The following CRYBB2 variants were observed in gnomAD, a reference collection of about 807,000 sequenced individuals.
CRYBB2 encodes the protein beta-crystallin B2.
CRYBB2 carries 12 observed loss-of-function variants against 24.3 expected under a neutral mutation model. That is an observed-to-expected ratio of 0.49 (90% confidence interval 0.32 to 0.80). The LOEUF (loss-of-function observed/expected upper bound fraction) is 0.80. Ranked by LOEUF, CRYBB2 falls within the 30% of genes least tolerant of loss-of-function variation. CRYBB2 has a pLI of 0.04. For missense variants in CRYBB2, 198 were observed against 268.5 expected, an observed-to-expected ratio of 0.74 and a Z score of 1.83; for synonymous variants, 98 against 101.6, an observed-to-expected ratio of 0.96 and a Z score of 0.21.
chr22:25,230,748 C>T (rs1321680688), intron 5 of CRYBB2, among the ~76,000 whole-genome samples: 2 of 149,084 alleles, frequency 1.3e-5, no homozygotes, highest in Non-Finnish European at 3.0e-5. Flanking sequence ...TGTTAGGTGC[C>T]CAGGGTGAAG....
At chr22:25,218,031 G>A (rs777999394), upstream of CRYBB2, among the ~76,000 whole-genome samples, 9 of 151,794 alleles carry the variant, frequency 5.9e-5, no homozygotes, top group African/African-American at 1.5e-4. Flanking sequence ...AGGCCGAGAC[G>A]GGCGGATAAT....
At chr22:25,220,895 A>G (rs1320366276) in intron 1 of CRYBB2, among the ~76,000 whole-genome samples, 1 of 152,158 alleles carries the variant, frequency 6.6e-6, no homozygotes, top group African/African-American at 2.4e-5. Flanking sequence ...AAATCTAGGT[A>G]CCAGGATGGG....
intron 4 of CRYBB2, among the ~76,000 whole-genome samples, chr22:25,229,156 A>T (rs1331549573): frequency 6.6e-6 from 1 of 152,170 alleles, no homozygotes; most frequent in Non-Finnish European, 1.5e-5. Flanking sequence ...TATCGTAGCC[A>T]CCATTTATAA....
chr22:25,214,993 A>C (rs377598718), upstream of CRYBB2, among the ~76,000 whole-genome samples: 6 of 152,380 alleles, frequency 3.9e-5, no homozygotes, highest in African/African-American at 1.4e-4. Context: ...AATGAGAATA[A>C]TAGGTTGGTG....
chr22:25,220,309 A>G (rs1360237397), intron 1 of CRYBB2, among the ~76,000 whole-genome samples: 1 of 152,318 alleles, frequency 6.6e-6, no homozygotes, highest in East Asian at 1.9e-4. Flanking sequence ...ATTATTAGAC[A>G]TCATTACTGT....
At chr22:25,223,367 C>G (rs1048180516) in intron 2 of CRYBB2, among the ~76,000 whole-genome samples, 1 of 152,190 alleles carries the variant, frequency 6.6e-6, no homozygotes, top group African/African-American at 2.4e-5. Flanking sequence ...AGCGCAAATA[C>G]TATGTGCTAA....
At chr22:25,220,469 C>T (rs1343076404) in intron 1 of CRYBB2, among the ~76,000 whole-genome samples, 1 of 152,214 alleles carries the variant, frequency 6.6e-6, no homozygotes, top group Non-Finnish European at 1.5e-5. Flanking sequence ...AGTGATATGG[C>T]AGGACCTCAG....
At chr22:25,218,676 A>G (rs150413978), upstream of CRYBB2, among the ~76,000 whole-genome samples, 1,436 of 99,536 alleles carry the variant, frequency 0.014, 119 homozygotes, top group African/African-American at 0.069. Flanking sequence ...AAAAGAAAGA[A>G]AGAGAAAGAA....
upstream of CRYBB2, among the ~76,000 whole-genome samples, chr22:25,214,654 G>A (rs916232989): frequency 5.3e-5 from 8 of 152,310 alleles, no homozygotes; most frequent in East Asian, 3.9e-4. Context: ...TGTAAGAGCC[G>A]CTACTGAGGG....
chr22:25,221,980 G>C (rs1272866053), intron 2 of CRYBB2, among the ~76,000 whole-genome samples: 1 of 152,228 alleles, frequency 6.6e-6, no homozygotes, highest in African/African-American at 2.4e-5. Flanking sequence ...CACCCGGCCT[G>C]GGGTGCGCAT....
intron 4 of CRYBB2, among the ~76,000 whole-genome samples, chr22:25,229,057 GTGTGTGCA>G (rs1208564724): frequency 2.9e-5 from 3 of 103,376 alleles, no homozygotes; most frequent in African/African-American, 1.2e-4. Flanking sequence ...TGTGGTGTGC[GTGTGTGCA>G]TGTGTGCGTG....
At chr22:25,228,643 C>T (rs1371379041) in intron 4 of CRYBB2, among the ~76,000 whole-genome samples, 1 of 152,228 alleles carries the variant, frequency 6.6e-6, no homozygotes, top group African/African-American at 2.4e-5. Flanking sequence ...GGACTTGGCA[C>T]CCCACAGACC....
At chr22:25,218,771 G>GAAAA (rs1569016193), upstream of CRYBB2, among the ~76,000 whole-genome samples, 1 of 17,598 alleles carries the variant, frequency 5.7e-5, no homozygotes, top group African/African-American at 3.1e-4. Flanking sequence ...GAGAGAGAGA[G>GAAAA]AGAGAGAGAA....
At chr22:25,213,048 T>G (rs1935125688) in intron 1 of CRYBB2, among the ~76,000 whole-genome samples, 1 of 152,266 alleles carries the variant, frequency 6.6e-6, no homozygotes, top group African/African-American at 2.4e-5. Flanking sequence ...CATATTTTTA[T>G]ACATTCTATC....
upstream of CRYBB2, among the ~76,000 whole-genome samples, chr22:25,215,462 G>C (rs1005833587): frequency 6.6e-6 from 1 of 152,154 alleles, no homozygotes; most frequent in Non-Finnish European, 1.5e-5. Flanking sequence ...AAATACATGG[G>C]TAAATCTCTG....
At chr22:25,217,903 C>T (rs1341008917), upstream of CRYBB2, among the ~76,000 whole-genome samples, 1 of 152,118 alleles carries the variant, frequency 6.6e-6, no homozygotes, top group East Asian at 1.9e-4. Flanking sequence ...TTGACCCAGT[C>T]TCCAAGCCTC....
At chr22:25,219,488 A>T (rs1338062116), upstream of CRYBB2, 3 of 152,272 alleles carry the variant, frequency 2.0e-5, no homozygotes, top group Admixed American at 2.0e-4. Context: ...GTGCAGAGAC[A>T]CAATGTCTGT....
chr22:25,226,595 T>C (rs1046684303), intron 3 of CRYBB2, among the ~76,000 whole-genome samples: 2 of 152,250 alleles, frequency 1.3e-5, no homozygotes, highest in Non-Finnish European at 2.9e-5. Context: ...TTTCAGTTAC[T>C]GGATATTATA....
upstream of CRYBB2, among the ~76,000 whole-genome samples, chr22:25,218,779 GAAGAAAGAAAGAAAGAAAGAAAGAAAGA>G (rs1168197356): frequency 0.013 from 437 of 34,516 alleles, 5 homozygotes; most frequent in South Asian, 0.037. Context: ...GAGAGAGAGA[GAAGAAAGAAAGAAAGAAAGAAAGAAAGA>G]AAGAAAGAAA....
Sources: allele counts gnomAD v4.1 joint callset (sites outside exome capture counted in the v4.1 genomes callset), GRCh38; gene constraint gnomAD v4.1.1; transcripts MANE v1.5; gene names NCBI Gene and HGNC (gene_info 2026-07-23, HGNC 2026-07-21).